ASF1A: variants seen among roughly 807,000 people sequenced by gnomAD.
ASF1A encodes the protein histone chaperone ASF1A.
In ASF1A, 5 loss-of-function variants were observed where a neutral mutation model predicts 22.0. That is an observed-to-expected ratio of 0.23 (90% CI 0.12 to 0.48). ASF1A has a LOEUF of 0.48. Among genes scored for constraint, ASF1A ranks in the 20% least tolerant of loss-of-function variants. The pLI, the probability that ASF1A is intolerant of heterozygous loss-of-function variation, is 0.99. For synonymous variants in ASF1A, 97 were observed against 86.7 expected, an observed-to-expected ratio of 1.12 and a Z score of -0.66; for missense variants, 137 against 240.6, an observed-to-expected ratio of 0.57 and a Z score of 2.85.
chr6:118,897,597 A>C (rs1035113777), intron 1 of ASF1A, among the ~76,000 whole-genome samples: 1 of 152,124 alleles, frequency 6.6e-6, no homozygotes, highest in Non-Finnish European at 1.5e-5. Context: ...CAAGTAGTGT[A>C]ATTAGCTAAA....
At chr6:118,906,332 C>T (rs1285287238) in intron 3 of ASF1A, among the ~76,000 whole-genome samples, 1 of 152,162 alleles carries the variant, frequency 6.6e-6, no homozygotes, top group Non-Finnish European at 1.5e-5. Flanking sequence ...CTTGACCTCC[C>T]AAAGTGCTGG....
chr6:118,895,106 C>T (rs1370481742), intron 1 of ASF1A, among the ~76,000 whole-genome samples: 6 of 152,182 alleles, frequency 3.9e-5, no homozygotes, highest in Non-Finnish European at 8.8e-5. Flanking sequence ...TGCCTGGCCG[C>T]TTCGGGGAGG....
At chr6:118,905,858 C>A in intron 3 of ASF1A, 30 bp downstream of exon 3, 1 of 1,492,604 alleles carries the variant, frequency 6.7e-7, no homozygotes, top group South Asian at 1.3e-5. Flanking sequence ...TTTTTAACTA[C>A]TTTTACTATG....
chr6:118,905,774 A>G lies in ASF1A; in HGVS notation c.348A>G (p.Glu116=), dbSNP rs1201535058. The G allele has an allele frequency of 1.2e-6, 2 of 1,612,928 alleles. No individual in the cohort carries two copies. Among genetic ancestry groups the G allele is most frequent in the Non-Finnish European group, 1.7e-6 (2 of 1,179,156 alleles). Residue 116 remains glutamate, a synonymous_variant, in exon 3 of 4, where the codon GAA becomes GAG. Transcript: ENST00000229595. ...FIRVGYYVNN[E]YTETELRENP... is the part of the protein sequence containing the mutation. ...GAGTTGGCTATTATGTAAATAATGA[A>G]TATACTGAGACAGAATTAAGGGAAA...
Position 118,908,006 on chromosome 6 carries a change from A to G in ASF1A, c.*392A>G, listed in dbSNP as rs1780288154. The stretch of plus-strand genomic sequence containing the variant: ...TGAAAGAACAAAGTTTACTTCAACT[A>G]AAATGTTTCTTCCTGTGAAGACATA... On this transcript the variant is annotated 3_prime_UTR_variant, in exon 4 of 4. Coordinates refer to ENST00000229595, the MANE Select transcript of ASF1A (RefSeq NM_014034.3). The G allele has an allele frequency of 6.4e-6, 1 of 157,396 alleles. No individual in the cohort carries two copies. Among genetic ancestry groups the G allele is most frequent in the African/African-American group, 2.4e-5 (1 of 41,524 alleles). 9.7% of individuals were successfully genotyped at this position (157,396 alleles called of 1,614,324 possible).
At chr6:118,902,390 A>G (rs1258960466) in intron 2 of ASF1A, among the ~76,000 whole-genome samples, 3 of 152,160 alleles carry the variant, frequency 2.0e-5, no homozygotes, top group Non-Finnish European at 2.9e-5. Context: ...TTAGAACTAC[A>G]TTTTTATTCT....
chr6:118,906,577 C>T (rs1780192245), intron 3 of ASF1A, among the ~76,000 whole-genome samples: 1 of 152,114 alleles, frequency 6.6e-6, no homozygotes, highest in Non-Finnish European at 1.5e-5. Context: ...CCTATGAATA[C>T]GGTTATCTCA....
In ASF1A at chr6:118,905,720, T is replaced by C. The variant is rs1780136560; in HGVS notation, c.294T>C (p.Thr98=). 6.2e-7 allele frequency: 1 copy of C among 1,613,730 alleles called. No individual in the cohort carries two copies. The highest frequency in any genetic ancestry group is 1.7e-5 in the Admixed American group (1 of 60,006). Reference sequence around the variant, plus strand: ...TAGGCGTAACTGTTGTGCTAATTACTTGTACCTATCGAGGACAAGAATTTA... The same window carrying C: ...TAGGCGTAACTGTTGTGCTAATTACCTGTACCTATCGAGGACAAGAATTTA... ...DAVGVTVVLI[T]CTYRGQEFIR... Residue 98 remains threonine (T), a synonymous_variant, in exon 3 of 4, where the codon ACT becomes ACC. Transcript: ENST00000229595.
intron 1 of ASF1A, among the ~76,000 whole-genome samples, chr6:118,896,236 C>T (rs1191395771): frequency 6.6e-6 from 1 of 152,030 alleles, no homozygotes; most frequent in Non-Finnish European, 1.5e-5. Context: ...TTGCAGCTAC[C>T]AGGCCCATTT....
chr6:118,903,331 A>G (rs1226175311), intron 2 of ASF1A, among the ~76,000 whole-genome samples: 1 of 152,162 alleles, frequency 6.6e-6, no homozygotes, highest in East Asian at 1.9e-4. Context: ...CTCCAGGACA[A>G]GGCTGGCTGT....
At chr6:118,897,612 C>A (rs1050994163) in intron 1 of ASF1A, among the ~76,000 whole-genome samples, 11 of 152,068 alleles carry the variant, frequency 7.2e-5, no homozygotes, top group African/African-American at 2.4e-4. Flanking sequence ...GCTAAAAATT[C>A]TCTTGATGAC....
At chr6:118,896,081 A>G (rs1283672615) in intron 1 of ASF1A, among the ~76,000 whole-genome samples, 1 of 150,766 alleles carries the variant, frequency 6.6e-6, no homozygotes, top group Non-Finnish European at 1.5e-5. Context: ...GCATAAATGC[A>G]CATACATATA....
chr6:118,902,219 C>T (rs548261088), intron 2 of ASF1A, among the ~76,000 whole-genome samples: 1 of 152,238 alleles, frequency 6.6e-6, no homozygotes, highest in Non-Finnish European at 1.5e-5. Context: ...GGTCAAATCC[C>T]GACACCTCTG....
intron 1 of ASF1A, among the ~76,000 whole-genome samples, chr6:118,898,788 A>G (rs2114510010): frequency 6.6e-6 from 1 of 152,236 alleles, no homozygotes; most frequent in South Asian, 2.1e-4. Flanking sequence ...CTTTCTTAAA[A>G]CAGTTTCTTC....
intron 2 of ASF1A, among the ~76,000 whole-genome samples, chr6:118,902,155 A>G (rs1779835358): frequency 6.6e-6 from 1 of 152,236 alleles, no homozygotes; most frequent in East Asian, 1.9e-4. Context: ...TGTAAAAGAC[A>G]TGGGTAACAG....
chr6:118,906,909 T>C (rs552322746), intron 3 of ASF1A, among the ~76,000 whole-genome samples: 10 of 152,302 alleles, frequency 6.6e-5, no homozygotes, highest in Admixed American at 2.0e-4. Flanking sequence ...ATCCAATTTG[T>C]TATCCCTGAA....
At chr6:118,895,002 T>G (rs894382131) in intron 1 of ASF1A, among the ~76,000 whole-genome samples, 1 of 151,954 alleles carries the variant, frequency 6.6e-6, no homozygotes, top group Non-Finnish European at 1.5e-5. Context: ...GCACGGCGCC[T>G]CCTCTTGCCC....
intron 2 of ASF1A, among the ~76,000 whole-genome samples, chr6:118,904,998 C>T (rs867917375): frequency 3.0e-4 from 46 of 152,220 alleles, no homozygotes; most frequent in African/African-American, 1.0e-3. Context: ...CCACCATGCC[C>T]AGCTAATTTT....
intron 1 of ASF1A, among the ~76,000 whole-genome samples, chr6:118,895,004 C>T (rs1393339216): frequency 1.3e-5 from 2 of 152,176 alleles, no homozygotes; most frequent in African/African-American, 2.4e-5. Flanking sequence ...ACGGCGCCTC[C>T]TCTTGCCCCG....
Sources: gnomAD v4.1 joint callset for allele counts (sites outside exome capture counted in the v4.1 genomes callset) on GRCh38, gnomAD v4.1.1 for gene constraint, MANE v1.5 for transcripts, NCBI Gene and HGNC (gene_info 2026-07-23, HGNC 2026-07-21) for gene names.